Variants in C3orf49 observed in about 807,000 individuals in gnomAD.
The protein encoded by C3orf49 is putative uncharacterized protein C3orf49.
Under a neutral mutation model 13.3 loss-of-function variants are expected in C3orf49, and 27 were observed. The ratio of observed to expected loss-of-function variants is 2.02; its 90% CI spans 1.49 to 2.79. The LOEUF (loss-of-function observed/expected upper bound fraction) is 2.79, where lower values mean the gene tolerates loss of function less well. Among genes scored for constraint, C3orf49 ranks in the 30% most tolerant of loss-of-function variants. The pLI is 0.00. For missense variants in C3orf49, 242 were observed against 134.2 expected (o/e 1.80, Z -3.97); for synonymous variants, 87 against 47.6 (o/e 1.83, Z -3.40).
chr3:63,835,733 C>T (rs753865223), intron 5 of C3orf49, among the ~76,000 whole-genome samples: 4 of 151,984 alleles, frequency 2.6e-5, no homozygotes, highest in Non-Finnish European at 5.9e-5. Context: ...CCAATTAACT[C>T]GAAATACCCT....
chr3:63,837,989 T>C lies in C3orf49; in HGVS notation c.849+6145T>C. ...CAAAACCCTTACCTTGGCGATTTTT[T>C]CGTATTCGTTTTGCTTGAAGAATTT... On this transcript the variant is annotated intron_variant, in intron 5 of 6. Transcript: ENST00000295896. 4 of 1,608,218 alleles carry C rather than the reference T, an allele frequency of 2.5e-6. No homozygotes were observed. The Middle Eastern group carries it at 5.0e-4, about 200-fold the overall frequency.
At chr3:63,807,611 T>C in the C3orf49 span, among the ~76,000 whole-genome samples, 1 of 151,944 alleles carries the variant, frequency 6.6e-6, no homozygotes, top group Non-Finnish European at 1.5e-5. Context: ...ATCCCAGCAC[T>C]TTGCAAGGTC....
intron 6 of C3orf49, among the ~76,000 whole-genome samples, chr3:63,847,034 G>A (rs1335653708): frequency 6.6e-6 from 1 of 152,062 alleles, no homozygotes; most frequent in African/African-American, 2.4e-5. Context: ...ACTAGTAGGA[G>A]GGCTAGAACG....
In C3orf49 at chr3:63,819,406, A is replaced by G; in HGVS notation, c.-66A>G. On this transcript the variant is annotated 5_prime_UTR_variant, in exon 1 of 7. Transcript: ENST00000295896. ...ACATTCAGTCACTGGATGATTTTGTATTGAAGTCTGTAAGTTCAAGAACTA... is the reference window on the plus strand; with the variant it reads ...ACATTCAGTCACTGGATGATTTTGTGTTGAAGTCTGTAAGTTCAAGAACTA... 1 of 685,780 alleles carries G rather than the reference A, an allele frequency of 1.5e-6. No individual in the cohort carries two copies. The highest frequency in any genetic ancestry group is 1.5e-5 in the South Asian group (1 of 65,336). The allele number at this position is 685,780 out of a possible 1,614,324, so 42.5% of individuals were successfully genotyped here.
At chr3:63,802,753 G>A in the C3orf49 span, among the ~76,000 whole-genome samples, 2 of 152,166 alleles carry the variant, frequency 1.3e-5, no homozygotes, top group South Asian at 2.1e-4. Context: ...TAATTAAAGT[G>A]CAGAAAGTCC....
At chr3:63,819,229 A>G (rs1701364951), upstream of C3orf49, 1 of 374,630 alleles carries the variant, frequency 2.7e-6, no homozygotes, top group Admixed American at 3.9e-5. Flanking sequence ...GGAATTTCAC[A>G]CAGCTCTGTC....
At chr3:63,839,771 C>T (rs748402561) in intron 5 of C3orf49, 4 of 1,613,148 alleles carry the variant, frequency 2.5e-6, no homozygotes, top group African/African-American at 1.3e-5. Context: ...CGTATAACTT[C>T]GTCTGCAGGA....
At chr3:63,802,048 T>C in the C3orf49 span, among the ~76,000 whole-genome samples, 6 of 152,224 alleles carry the variant, frequency 3.9e-5, no homozygotes, top group Non-Finnish European at 8.8e-5. Flanking sequence ...ATCCAGGGAA[T>C]AGGCAGGGTG....
the C3orf49 span, among the ~76,000 whole-genome samples, chr3:63,802,854 G>A: frequency 6.6e-6 from 1 of 151,972 alleles, no homozygotes; most frequent in Non-Finnish European, 1.5e-5. Context: ...GCTTAGAGCA[G>A]CTGTGCTCAC....
At chr3:63,842,900 G>C (rs1701798517) in intron 5 of C3orf49, among the ~76,000 whole-genome samples, 1 of 151,852 alleles carries the variant, frequency 6.6e-6, no homozygotes, top group Non-Finnish European at 1.5e-5. Context: ...TCCTACCTCA[G>C]CCTCCCAAGT....
chr3:63,814,025 T>A, the C3orf49 span, among the ~76,000 whole-genome samples: 17 of 152,194 alleles, frequency 1.1e-4, no homozygotes, highest in Non-Finnish European at 2.1e-4. Context: ...CTTACCAAGT[T>A]TGCAGAGGGC....
chr3:63,788,057 T>C, the C3orf49 span, among the ~76,000 whole-genome samples: 1 of 152,188 alleles, frequency 6.6e-6, no homozygotes, highest in East Asian at 1.9e-4. Context: ...CTGGCAAGCT[T>C]GGTGCTTCAA....
chr3:63,795,475 G>T, the C3orf49 span, among the ~76,000 whole-genome samples: 2 of 152,114 alleles, frequency 1.3e-5, no homozygotes, highest in African/African-American at 2.4e-5. Flanking sequence ...AAAATGCCAA[G>T]AATCTGGACA....
upstream of C3orf49, among the ~76,000 whole-genome samples, chr3:63,815,325 T>C (rs569615808): frequency 3.3e-5 from 5 of 152,326 alleles, no homozygotes; most frequent in East Asian, 9.7e-4. Context: ...ACTTCTTAAA[T>C]ATTGCCTGGA....
intron 5 of C3orf49, among the ~76,000 whole-genome samples, chr3:63,843,911 A>C (rs1048436720): frequency 1.3e-5 from 2 of 152,238 alleles, no homozygotes; most frequent in South Asian, 2.1e-4. Context: ...AGAAAAAAAA[A>C]AACAAAACTG....
chr3:63,781,073 G>A, the C3orf49 span, among the ~76,000 whole-genome samples: 222 of 151,134 alleles, frequency 1.5e-3, 1 homozygote, highest in South Asian at 2.8e-3. Flanking sequence ...CCATGCCTAT[G>A]TCCTGAATGG....
chr3:63,802,590 T>C, the C3orf49 span, among the ~76,000 whole-genome samples: 1 of 152,224 alleles, frequency 6.6e-6, no homozygotes, highest in Non-Finnish European at 1.5e-5. Flanking sequence ...TTATTACCTG[T>C]AATCTGGCTA....
intron 5 of C3orf49, chr3:63,835,358 T>G (rs1386007882): frequency 6.2e-7 from 1 of 1,613,470 alleles, no homozygotes; most frequent in Non-Finnish European, 8.5e-7. Flanking sequence ...GTGTGAAAGA[T>G]GCTCTAATTC....
intron 2 of C3orf49, among the ~76,000 whole-genome samples, chr3:63,823,958 A>T (rs1048132837): frequency 6.6e-6 from 1 of 151,836 alleles, no homozygotes; most frequent in Non-Finnish European, 1.5e-5. Context: ...GTGCCACCAC[A>T]CCCAGCTAAA....
Sources: gnomAD v4.1 joint callset for allele counts (sites outside exome capture counted in the v4.1 genomes callset) on GRCh38, gnomAD v4.1.1 for gene constraint, MANE v1.5 for transcripts, NCBI Gene and HGNC (gene_info 2026-07-23, HGNC 2026-07-21) for gene names.